MYNN: variants seen among roughly 807,000 people sequenced by gnomAD.
MYNN encodes the protein myoneurin.
MYNN carries 22 observed loss-of-function variants against 57.2 expected under a neutral mutation model. The observed-to-expected ratio is 0.38, with a 90% CI of 0.27 to 0.55. The LOEUF (loss-of-function observed/expected upper bound fraction) is 0.55. Ranked by LOEUF, MYNN falls within the 20% of genes least tolerant of loss-of-function variation. The probability of loss-of-function intolerance (pLI) is 0.71; values close to 1 mark genes in which losing one functional copy is unlikely to be tolerated. For missense variants in MYNN, 566 were observed against 723.1 expected (o/e 0.78, Z 2.49); for synonymous variants, 241 against 257.1 (o/e 0.94, Z 0.60).
chr3:169,779,404 G>A lies in MYNN; in HGVS notation c.903G>A (p.Lys301=). ...TGGATCAGAGGTATTCCAAGGCCAA[G>A]CCAATGTGTAACACATGTGGGAAAG... ...EELDQRYSKA[K]PMCNTCGKVF... is the part of the protein sequence containing the mutation. Residue 301 remains lysine, a synonymous_variant, in exon 3 of 8, where the codon AAG becomes AAA. Coordinates refer to ENST00000349841, the MANE Select transcript of MYNN (RefSeq NM_018657.5). 6.2e-7 allele frequency: 1 copy of A among 1,614,198 alleles called. No homozygotes were observed. Among genetic ancestry groups the A allele is most frequent in the Non-Finnish European group, 8.5e-7 (1 of 1,180,036 alleles).
At position 169,784,606 on chromosome 3, in the gene MYNN, C is replaced by T. The variant is rs371055233; in HGVS notation, c.1484-16C>T. The T allele has an allele frequency of 1.4e-6, 2 of 1,477,200 alleles. No individual in the cohort carries two copies. The highest frequency in any genetic ancestry group is 1.4e-5 in the African/African-American group (1 of 69,344). The allele number at this position is 1,477,200 out of a possible 1,614,324, so 91.5% of individuals were successfully genotyped here. On this transcript the variant is annotated splice_polypyrimidine_tract_variant and intron_variant, in intron 6 of 7. Transcript: ENST00000349841. ...TTTTAAAATATTGAAATTTAAACTT[C>T]TAATTTGTTTTTCAGGAGAAAGACC...
At position 169,786,616 on chromosome 3, in the gene MYNN, T is replaced by A; in HGVS notation, c.1771T>A (p.Leu591Met). ...DTQSPTSDTL[L>M]RSTVNGYSEP... is the part of the protein sequence containing the mutation. The stretch of plus-strand genomic sequence containing the variant: ...TCAGTCTCCTACATCAGATACATTG[T>A]TGAGGTCAACTGTGAATGGGTATTC... The change falls in exon 8 of 8, where the codon TTG becomes ATG. Residue 591 changes from leucine (L) to methionine (M), a missense_variant. Around this residue, in one of 4 missense-constraint regions of MYNN, gnomAD observed 156 missense variants for 163.9 expected, o/e 0.95. Coordinates refer to ENST00000349841, the MANE Select transcript of MYNN (RefSeq NM_018657.5). The A allele has an allele frequency of 6.2e-7, 1 of 1,613,618 alleles. No individual in the cohort carries two copies. The highest frequency in any genetic ancestry group is 8.5e-7 in the Non-Finnish European group (1 of 1,179,598).
At chr3:169,785,626 C>T (rs1315505902) in intron 7 of MYNN, among the ~76,000 whole-genome samples, 1 of 151,960 alleles carries the variant, frequency 6.6e-6, no homozygotes, top group Non-Finnish European at 1.5e-5. Context: ...AGAGAGGATT[C>T]ATTCCGGGCA....
intron 7 of MYNN, among the ~76,000 whole-genome samples, chr3:169,784,948 T>C (rs905689898): frequency 2.0e-5 from 3 of 150,564 alleles, no homozygotes; most frequent in Admixed American, 6.6e-5. Flanking sequence ...CATTTCCTCC[T>C]TTGAAAACCT....
At chr3:169,775,880 A>C (rs1329300091) in intron 2 of MYNN, among the ~76,000 whole-genome samples, 1 of 152,182 alleles carries the variant, frequency 6.6e-6, no homozygotes, top group Non-Finnish European at 1.5e-5. Flanking sequence ...AAAATCTAGA[A>C]TCAGGGTGCT....
chr3:169,783,426 A>G, intron 5 of MYNN, 51 bp from the exon 6 acceptor site: 1 of 993,362 alleles, frequency 1.0e-6, no homozygotes. Flanking sequence ...TAATTGATAA[A>G]TATTATATTG....
rs1280222922 is a variant in MYNN at position 169,787,507 on chromosome 3, ACTC to A, written c.*832_*834del. 1 of 152,056 alleles carries A rather than the reference ACTC, an allele frequency of 6.6e-6. No homozygotes were observed. The highest frequency in any genetic ancestry group is 1.5e-5 in the Non-Finnish European group (1 of 67,956). 9.4% of individuals were successfully genotyped at this position (152,056 alleles called of 1,614,324 possible). A position where few individuals can be genotyped will look rare whatever the true frequency, so the allele number is the denominator to read the frequency against. ...TGAAATATTTTGGTAAGCCTCTCTTACTCCTGTTATGCACTTTTTAAAATAAAT... is the reference window on the plus strand; with the variant it reads ...TGAAATATTTTGGTAAGCCTCTCTTACTGTTATGCACTTTTTAAAATAAAT... On this transcript the variant is annotated 3_prime_UTR_variant, in exon 8 of 8. Coordinates refer to ENST00000349841, the MANE Select transcript of MYNN (RefSeq NM_018657.5).
chr3:169,787,271 A>G lies in MYNN; in HGVS notation c.*593A>G, dbSNP rs1778702724. 1 of 152,184 alleles carries G rather than the reference A, an allele frequency of 6.6e-6. No individual in the cohort carries two copies. Among genetic ancestry groups the G allele is most frequent in the Non-Finnish European group, 1.5e-5 (1 of 68,002 alleles). 9.4% of individuals were successfully genotyped at this position (152,184 alleles called of 1,614,324 possible). ...TGTTTCTCAAAATCTAGAAAAGTGCATATAAATTTTTGTTCATTTAGAACT... is the reference window on the plus strand; with the variant it reads ...TGTTTCTCAAAATCTAGAAAAGTGCGTATAAATTTTTGTTCATTTAGAACT... On this transcript the variant is annotated 3_prime_UTR_variant, in exon 8 of 8. Transcript: ENST00000349841.
chr3:169,786,991 A>G lies in MYNN; in HGVS notation c.*313A>G, dbSNP rs1308530017. 3.7e-6 allele frequency: 1 copy of G among 273,538 alleles called. No individual in the cohort carries two copies. The highest frequency in any genetic ancestry group is 7.1e-6 in the Non-Finnish European group (1 of 140,140). The allele number at this position is 273,538 out of a possible 1,614,324, so 16.9% of individuals were successfully genotyped here. ...TTTTAGAATTGCCCTTCATTTACTA[A>G]ATCAGCCAGTTAATGTGATTCAGTT... On this transcript the variant is annotated 3_prime_UTR_variant, in exon 8 of 8. Coordinates refer to ENST00000349841, the MANE Select transcript of MYNN (RefSeq NM_018657.5).
chr3:169,783,602 A>T, intron 6 of MYNN, 42 bp downstream of exon 6: 1 of 1,394,874 alleles, frequency 7.2e-7, no homozygotes, highest in Non-Finnish European at 1.0e-6. Flanking sequence ...GTTCTCTCTT[A>T]ATTTCTTTTT....
At chr3:169,777,480 G>GGTGTGTGTGTGT (rs139881990) in intron 2 of MYNN, 1 of 149,264 alleles carries the variant, frequency 6.7e-6, no homozygotes, top group African/African-American at 2.5e-5. Context: ...GAGGGTAAGG[G>GGTGTGTGTGTGT]GTGTGTGTGT....
chr3:169,783,348 T>A, intron 5 of MYNN, 129 bp from the exon 6 acceptor site: 2 of 550,826 alleles, frequency 3.6e-6, no homozygotes, highest in Middle Eastern at 1.0e-3. Flanking sequence ...TGAAAATACC[T>A]CTAAAGTACA....
Position 169,774,419 on chromosome 3 carries a change from C to T in MYNN, c.124C>T (p.Leu42=), listed in dbSNP as rs371898302. 7.4e-6 allele frequency: 12 copies of T among 1,614,114 alleles called. No individual in the cohort carries two copies. The highest frequency in any genetic ancestry group is 6.7e-5 in the Admixed American group (4 of 60,030). ...CCAGTTTAAAGCTCATAGGAATGTG[C>T]TGGCCTCCTTTAGTGAGTATTTTGG... ...EFQFKAHRNV[L]ASFSEYFGAI... is the part of the protein sequence containing the mutation. Residue 42 remains leucine (L), a synonymous_variant, in exon 2 of 8, where the codon CTG becomes TTG. Coordinates refer to ENST00000349841, the MANE Select transcript of MYNN (RefSeq NM_018657.5).
In MYNN at chr3:169,782,727, G is replaced by A. The variant is rs1048713172; in HGVS notation, c.1399+84G>A. On this transcript the variant is annotated intron_variant, in intron 5 of 7. Transcript: ENST00000349841. The surrounding 1 kb of genome is among the most constrained non-coding windows in gnomAD (Gnocchi z 4.8). ...CTTGGGCCTTTTAGCGAAGTAGATC[G>A]GAAACTTTGTAGTTAGATATCTGTT... 19 of 1,106,766 alleles carry A rather than the reference G, an allele frequency of 1.7e-5. No individual in the cohort carries two copies. The highest frequency in any genetic ancestry group is 1.9e-5 in the Non-Finnish European group (15 of 772,856). The allele number at this position is 1,106,766 out of a possible 1,614,324, so 68.6% of individuals were successfully genotyped here.
In MYNN at chr3:169,782,534, G is replaced by A; in HGVS notation, c.1290G>A (p.Leu430=). 6.2e-7 allele frequency: 1 copy of A among 1,614,022 alleles called. No homozygotes were observed. The highest frequency in any genetic ancestry group is 8.5e-7 in the Non-Finnish European group (1 of 1,179,914). ...CGQRFAQAST[L]TYHVRRHTGE... is the part of the protein sequence containing the mutation. ...AGAGATTTGCTCAAGCCAGCACACT[G>A]ACCTATCATGTCCGTAGGCATACTG... is the stretch of plus-strand genomic sequence containing the variant. Residue 430 remains leucine (L), a synonymous_variant, in exon 5 of 8, where the codon CTG becomes CTA. Transcript: ENST00000349841. The surrounding 1 kb of genome is among the most constrained non-coding windows in gnomAD (Gnocchi z 4.8).
In MYNN at chr3:169,782,942, A is replaced by G. The variant is rs532528583; in HGVS notation, c.1399+299A>G. ...TTTGTGACTTTATAAAAACCTTTTCAGCTTCCTAAAGGGTCATCTCCTATA... is the reference window on the plus strand; with the variant it reads ...TTTGTGACTTTATAAAAACCTTTTCGGCTTCCTAAAGGGTCATCTCCTATA... On this transcript the variant is annotated intron_variant, in intron 5 of 7. Coordinates refer to ENST00000349841, the MANE Select transcript of MYNN (RefSeq NM_018657.5). The surrounding 1 kb of genome is among the most constrained non-coding windows in gnomAD (Gnocchi z 4.8). Among the ~76,000 whole-genome samples the G allele has an allele frequency of 6.6e-5, 10 of 152,280 alleles. No individual in the cohort carries two copies. The South Asian group carries it at 1.9e-3, about 28-fold the overall frequency.
At position 169,786,695 on chromosome 3, in the gene MYNN, G is replaced by C; in HGVS notation, c.*17G>C. On this transcript the variant is annotated 3_prime_UTR_variant, in exon 8 of 8. Coordinates refer to ENST00000349841, the MANE Select transcript of MYNN (RefSeq NM_018657.5). ...TTATACTGACTTTGTAAGGAATATG[G>C]AATTGCTAAGATATCATTGGTAGCA... 6.2e-7 allele frequency: 1 copy of C among 1,604,844 alleles called. No individual in the cohort carries two copies. Among genetic ancestry groups the C allele is most frequent in the South Asian group, 1.1e-5 (1 of 90,678 alleles).
chr3:169,780,285 C>G (rs1359532816), intron 3 of MYNN: 1 of 185,416 alleles, frequency 5.4e-6, no homozygotes. Context: ...GTCTCGATCT[C>G]CTGAACTCGT....
Position 169,786,621 on chromosome 3 carries a change from G to A in MYNN, c.1776G>A (p.Arg592=), listed in dbSNP as rs1367404120. The change falls in exon 8 of 8, where the codon AGG becomes AGA. Residue 592 remains arginine, a synonymous_variant. Coordinates refer to ENST00000349841, the MANE Select transcript of MYNN (RefSeq NM_018657.5). ...TQSPTSDTLL[R]STVNGYSEPQ... ...CTCCTACATCAGATACATTGTTGAG[G>A]TCAACTGTGAATGGGTATTCAGAAC... The A allele has an allele frequency of 1.9e-6, 3 of 1,613,472 alleles. No homozygotes were observed. Among genetic ancestry groups the A allele is most frequent in the South Asian group, 1.1e-5 (1 of 91,062 alleles).
Sources: gnomAD v4.1 joint callset for allele counts (sites outside exome capture counted in the v4.1 genomes callset) on GRCh38, gnomAD v4.1.1 for gene constraint, gnomAD v4.1.1 regional missense constraint, Gnocchi (gnomAD v3.1) non-coding constraint, MANE v1.5 for transcripts, NCBI Gene and HGNC (gene_info 2026-07-23, HGNC 2026-07-21) for gene names.